The following KMT2C variants were observed in gnomAD, a reference collection of about 807,000 sequenced individuals.
The protein encoded by KMT2C is lysine methyltransferase 2C.
A neutral mutation model predicts 507.9 loss-of-function variants in KMT2C; 88 were observed. The observed-to-expected ratio is 0.17, with a 90% CI of 0.15 to 0.21. KMT2C has a LOEUF of 0.21. Among genes scored for constraint, KMT2C ranks in the 10% least tolerant of loss-of-function variants. KMT2C has a pLI of 1.00. For missense variants in KMT2C, 4,954 were observed against 5,957.8 expected (o/e 0.83, Z 5.55); for synonymous variants, 2,049 against 2,080.8 (o/e 0.98, Z 0.42).
chr7:152,152,397 G>T (rs1032633177), intron 49 of KMT2C, among the ~76,000 whole-genome samples: 1 of 152,188 alleles, frequency 6.6e-6, no homozygotes, highest in African/African-American at 2.4e-5. Flanking sequence ...AGCGGGATGG[G>T]GGTTGGGAGA....
chr7:152,151,715 T>C (rs969980499), intron 49 of KMT2C, 134 bp from the exon 50 acceptor site: 17 of 619,426 alleles, frequency 2.7e-5, no homozygotes, highest in Middle Eastern at 4.3e-4. Context: ...AAAAAAAATT[T>C]ATCTTCTAAG....
At chr7:152,393,233 G>T (rs1207665057) in intron 1 of KMT2C, among the ~76,000 whole-genome samples, 1 of 152,138 alleles carries the variant, frequency 6.6e-6, no homozygotes, top group East Asian at 1.9e-4. Context: ...TATAAATTAT[G>T]CATTGGACTC....
intron 26 of KMT2C, 116 bp downstream of exon 26, chr7:152,202,818 A>C: frequency 1.1e-6 from 1 of 899,118 alleles, no homozygotes; most frequent in Non-Finnish European, 1.7e-6. Flanking sequence ...TGATGACTAA[A>C]TGACAACAAA....
chr7:152,424,303 C>T (rs974377669), intron 1 of KMT2C, among the ~76,000 whole-genome samples: 7 of 152,100 alleles, frequency 4.6e-5, no homozygotes, highest in Non-Finnish European at 8.8e-5. Context: ...TTCTTAGCGT[C>T]CCTTAATTCA....
chr7:152,284,667 A>G (rs2096267975), intron 6 of KMT2C, among the ~76,000 whole-genome samples: 2 of 152,180 alleles, frequency 1.3e-5, no homozygotes, highest in East Asian at 3.8e-4. Context: ...ATGCATCTCC[A>G]AAACTGACTT....
intron 55 of KMT2C, among the ~76,000 whole-genome samples, chr7:152,141,848 A>T (rs533787811): frequency 2.3e-4 from 35 of 152,164 alleles, no homozygotes; most frequent in Non-Finnish European, 4.3e-4. Flanking sequence ...GCAAAACCTC[A>T]TCTCTAAATA....
chr7:152,214,922 G>A (rs184136848), intron 23 of KMT2C, among the ~76,000 whole-genome samples: 1 of 152,202 alleles, frequency 6.6e-6, no homozygotes, highest in East Asian at 1.9e-4. Flanking sequence ...TAATAATATT[G>A]TAATGAAAAT....
intron 7 of KMT2C, among the ~76,000 whole-genome samples, chr7:152,265,549 C>T (rs192240250): frequency 1.5e-3 from 223 of 152,176 alleles, no homozygotes; most frequent in African/African-American, 4.9e-3. Context: ...TGGAAAGAAC[C>T]AAACAAGGAA....
Position 152,153,890 on chromosome 7 carries a change from T to C in KMT2C, c.12276+120A>G, listed in dbSNP as rs1186725602. The C allele has an allele frequency of 3.0e-6, 3 of 999,794 alleles. No individual in the cohort carries two copies. In the African/African-American group the frequency reaches 4.9e-5, roughly 16 times the overall value. 61.9% of individuals were successfully genotyped at this position (999,794 alleles called of 1,614,324 possible). A position where few individuals can be genotyped will look rare whatever the true frequency, so the allele number is the denominator to read the frequency against. On this transcript the variant is annotated intron_variant, in intron 48 of 58. Coordinates refer to ENST00000262189, the MANE Select transcript of KMT2C (RefSeq NM_170606.3). ...AGAGGTCTGCAGTGAGCATCAGCTC[T>C]GCTCTCTGACCCTTTATCCTCAGTG...
chr7:152,205,218 A>C lies in KMT2C; in HGVS notation c.3849T>G (p.Gly1283=). 1 of 1,610,812 alleles carries C rather than the reference A, an allele frequency of 6.2e-7. No individual in the cohort carries two copies. The highest frequency in any genetic ancestry group is 8.5e-7 in the Non-Finnish European group (1 of 1,178,830). ...GACTTCTTTGCCGCACCATAAATCC[A>C]CCAATACCTATCCAAAAAAGAAATT... ...RKRKPYRPGI[G]GFMVRQRSRT... The change falls in exon 25 of 59, where the codon GGT becomes GGG. Residue 1283 remains glycine (G), a synonymous_variant. Transcript: ENST00000262189.
At chr7:152,205,430 T>C (rs568923269) in intron 24 of KMT2C, among the ~76,000 whole-genome samples, 1 of 147,422 alleles carries the variant, frequency 6.8e-6, no homozygotes, top group African/African-American at 2.5e-5. Context: ...GCCACTCTTA[T>C]CACTTATCAA....
At chr7:152,396,775 A>C (rs185568267) in intron 1 of KMT2C, among the ~76,000 whole-genome samples, 13 of 152,348 alleles carry the variant, frequency 8.5e-5, no homozygotes, top group African/African-American at 3.1e-4. Context: ...GCCAGGAAAA[A>C]GGCATACTCT....
rs768649580 is a variant in KMT2C, at chr7:152,194,094, T to C, written c.4575A>G (p.Thr1525=). The change falls in exon 31 of 59, where the codon ACA becomes ACG. Residue 1525 remains threonine (T), a synonymous_variant. Coordinates refer to ENST00000262189, the MANE Select transcript of KMT2C (RefSeq NM_170606.3). ...GAGTGTTCGCAGGACTAAGTACAGC[T>C]GTAAATAAGTCTTCAACATCTTTTC... ...LGGKDVEDLF[T]AVLSPANTQP... 3.7e-5 allele frequency: 59 copies of C among 1,586,288 alleles called. 1 individual carries two copies. In the South Asian group the frequency reaches 6.3e-4, roughly 17 times the overall value.
At chr7:152,347,956 C>T (rs1435994797) in intron 2 of KMT2C, among the ~76,000 whole-genome samples, 1 of 150,896 alleles carries the variant, frequency 6.6e-6, no homozygotes, top group Non-Finnish European at 1.5e-5. Flanking sequence ...AAAGGGCCAA[C>T]TGTTTCAGAA....
intron 19 of KMT2C, 35 bp downstream of exon 19, chr7:152,224,400 T>G (rs1257949355): frequency 6.3e-7 from 1 of 1,591,228 alleles, no homozygotes; most frequent in Non-Finnish European, 8.6e-7. Flanking sequence ...GCTCTGAACT[T>G]GAAAGACTAA....
intron 1 of KMT2C, among the ~76,000 whole-genome samples, chr7:152,369,360 A>G (rs2097274560): frequency 1.3e-5 from 2 of 152,168 alleles, no homozygotes; most frequent in African/African-American, 4.8e-5. Flanking sequence ...CAAGATGGCA[A>G]ATTATATTTT....
intron 7 of KMT2C, among the ~76,000 whole-genome samples, chr7:152,267,874 T>C (rs1336971195): frequency 5.9e-5 from 9 of 152,252 alleles, no homozygotes; most frequent in Admixed American, 5.9e-4. Context: ...GTGGTCATGG[T>C]GGGTTGTCTG....
chr7:152,249,302 G>A lies in KMT2C; in HGVS notation c.1813+574C>T, dbSNP rs189413529. 4.6e-3 allele frequency among the ~76,000 whole-genome samples: 683 copies of A among 148,042 alleles called. 5 individuals carry two copies. Among genetic ancestry groups the A allele is most frequent in the Non-Finnish European group, 7.0e-3 (475 of 67,434 alleles). Reference sequence around the variant, plus strand: ...CACTGCTAGCCTCATTTACCAATCAGTGACTAAAATTTATCTGGTTTTTTT... The same window carrying A: ...CACTGCTAGCCTCATTTACCAATCAATGACTAAAATTTATCTGGTTTTTTT... On this transcript the variant is annotated intron_variant, in intron 13 of 58. Transcript: ENST00000262189.
At chr7:152,155,398 A>G (rs754962632) in intron 46 of KMT2C, among the ~76,000 whole-genome samples, 2 of 152,198 alleles carry the variant, frequency 1.3e-5, no homozygotes, top group Non-Finnish European at 1.5e-5. Context: ...ATCATCTACT[A>G]AGGGAACTTG....
Sources: gnomAD v4.1 joint callset for allele counts (sites outside exome capture counted in the v4.1 genomes callset) on GRCh38, gnomAD v4.1.1 for gene constraint, MANE v1.5 for transcripts, NCBI Gene and HGNC (gene_info 2026-07-23, HGNC 2026-07-21) for gene names.